Variants in CYP3A4 observed in about 807,000 individuals in gnomAD.
CYP3A4 encodes cytochrome P450 3A4.
A neutral mutation model predicts 54.9 loss-of-function variants in CYP3A4; 41 were observed. That is an observed-to-expected ratio of 0.75 (90% CI 0.58 to 0.97). The LOEUF (loss-of-function observed/expected upper bound fraction) is 0.97. Among genes scored for constraint, CYP3A4 ranks in the 50% least tolerant of loss-of-function variants. The pLI is 0.00. For synonymous variants in CYP3A4, 179 were observed against 205.2 expected (o/e 0.87, Z 1.09); for missense variants, 510 against 597.3 (o/e 0.85, Z 1.52).
At chr7:99,766,958 C>T in intron 8 of CYP3A4, 173 bp downstream of exon 8, 1 of 560,926 alleles carries the variant, frequency 1.8e-6, no homozygotes. Context: ...TCTCCTTCCC[C>T]AAACCCCACT....
chr7:99,780,035 G>T lies in CYP3A4; in HGVS notation c.122C>A (p.Pro41His). 1 of 1,613,604 alleles carries T rather than the reference G, an allele frequency of 6.2e-7. No individual in the cohort carries two copies. Among genetic ancestry groups the T allele is most frequent in the Non-Finnish European group, 8.5e-7 (1 of 1,179,702 alleles). Reference protein sequence around the residue: ...GLFKKLGIPGPTPLPFLGNIL... With the variant: ...GLFKKLGIPGHTPLPFLGNIL... ...ATTTCCCAAAAAAGGCAGAGGTGTG[G>T]GCCCTGGAATTCCAAGCTTCTTAAA... is the stretch of plus-strand genomic sequence containing the variant. The change falls in exon 2 of 13, where the codon CCC (proline) becomes CAC (histidine). Residue 41 changes from proline (P) to histidine (H), a missense_variant. By Grantham distance (77) the Pro-to-His change is moderately conservative. Around this residue, in one of 2 missense-constraint regions of CYP3A4, gnomAD observed 272 missense variants for 274.9 expected, o/e 0.99. Coordinates refer to ENST00000651514, the MANE Select transcript of CYP3A4 (RefSeq NM_017460.6).
intron 3 of CYP3A4, among the ~76,000 whole-genome samples, chr7:99,773,473 G>C (rs1426106519): frequency 6.6e-6 from 1 of 152,208 alleles, no homozygotes; most frequent in East Asian, 1.9e-4. Context: ...AAATGTAAAA[G>C]AAAAGAAATC....
chr7:99,770,280 G>C, intron 4 of CYP3A4, 45 bp from the exon 5 acceptor site: 1 of 1,507,868 alleles, frequency 6.6e-7, no homozygotes, highest in Non-Finnish European at 9.2e-7. Flanking sequence ...CAGTTGTGGA[G>C]GTCTCCATGG....
chr7:99,777,083 C>T (rs908628675), intron 3 of CYP3A4, among the ~76,000 whole-genome samples: 2 of 152,154 alleles, frequency 1.3e-5, no homozygotes, highest in Non-Finnish European at 2.9e-5. Context: ...ATCTATTTCT[C>T]TATTATCTCT....
Position 99,760,844 on chromosome 7 carries a change from G to A in CYP3A4, c.1391C>T (p.Ser464Phe), listed in dbSNP as rs768323664. Residue 464 changes from serine (S) to phenylalanine (F), a missense_variant, in exon 12 of 13, where the codon TCC becomes TTC. Around this residue, in one of 2 missense-constraint regions of CYP3A4, gnomAD observed 238 missense variants for 322.5 expected, o/e 0.74. Coordinates refer to ENST00000651514, the MANE Select transcript of CYP3A4 (RefSeq NM_017460.6). Reference protein sequence around the residue: ...LALIRVLQNFSFKPCKETQIP... With the variant: ...LALIRVLQNFFFKPCKETQIP... The stretch of plus-strand genomic sequence containing the variant: ...CTGTGTTTCTTTACAAGGTTTGAAG[G>A]AGAAGTTCTGAAGGACTCTGATTAG... 7 of 1,613,894 alleles carry A rather than the reference G, an allele frequency of 4.3e-6. No individual in the cohort carries two copies. Among genetic ancestry groups the A allele is most frequent in the East Asian group, 4.5e-5 (2 of 44,872 alleles).
At chr7:99,770,697 G>A (rs1389195498) in intron 4 of CYP3A4, among the ~76,000 whole-genome samples, 1 of 152,074 alleles carries the variant, frequency 6.6e-6, no homozygotes, top group African/African-American at 2.4e-5. Flanking sequence ...GTGCCTCAAT[G>A]TGATGGTTTT....
chr7:99,772,776 A>T, intron 3 of CYP3A4, 87 bp from the exon 4 acceptor site: 1 of 1,326,396 alleles, frequency 7.5e-7, no homozygotes, highest in Non-Finnish European at 1.1e-6. Context: ...TTTGATCCTG[A>T]CTTTACATAA....
At chr7:99,758,714 T>C (rs2151552107) in intron 12 of CYP3A4, among the ~76,000 whole-genome samples, 1 of 152,318 alleles carries the variant, frequency 6.6e-6, no homozygotes. Context: ...TGGGTAGTTA[T>C]TGTACATTTT....
intron 3 of CYP3A4, among the ~76,000 whole-genome samples, chr7:99,775,085 C>T (rs1250123631): frequency 1.3e-5 from 2 of 152,124 alleles, no homozygotes; most frequent in African/African-American, 4.8e-5. Flanking sequence ...AACTCCCATT[C>T]ACAATTACTA....
intron 12 of CYP3A4, among the ~76,000 whole-genome samples, chr7:99,759,627 G>A (rs866544410): frequency 4.1e-4 from 63 of 152,222 alleles, no homozygotes; most frequent in African/African-American, 1.3e-3. Context: ...GTTAATGGAG[G>A]GGGGAAGACA....
In CYP3A4 at chr7:99,770,218, T is replaced by A. The variant is rs1441819353; in HGVS notation, c.336A>T (p.Gly112=). The A allele has an allele frequency of 5.0e-6, 8 of 1,613,214 alleles. No homozygotes were observed. Among genetic ancestry groups the A allele is most frequent in the Non-Finnish European group, 5.9e-6 (7 of 1,179,428 alleles). The change falls in exon 5 of 13, where the codon GGA becomes GGT. Residue 112 remains glycine (G), a synonymous_variant. Transcript: ENST00000651514. Reference sequence around the variant, plus strand: ...CTATAGAGATGGCACTTTTCATAAATCCCACTGGACCAAAAGGCTAGAGTT... The same window carrying A: ...CTATAGAGATGGCACTTTTCATAAAACCCACTGGACCAAAAGGCTAGAGTT... The part of the protein sequence containing the change: ...FTNRRPFGPV[G]FMKSAISIAE...
At position 99,784,158 on chromosome 7, in the gene CYP3A4, T is replaced by C. The variant is rs931657726; in HGVS notation, c.-77A>G. ...GTTGCTCTTTGCTGGGCTATGTGCA[T>C]GGAGCTTTCCTGCCCTGCACAGCAG... is the stretch of plus-strand genomic sequence containing the variant. On this transcript the variant is annotated 5_prime_UTR_variant, in exon 1 of 13. An upstream start codon of the reference 5' UTR is lost. Coordinates refer to ENST00000651514, the MANE Select transcript of CYP3A4 (RefSeq NM_017460.6). The C allele has an allele frequency of 4.4e-6, 6 of 1,359,584 alleles. No homozygotes were observed. Among genetic ancestry groups the C allele is most frequent in the South Asian group, 3.5e-5 (3 of 85,424 alleles). 84.2% of individuals were successfully genotyped at this position (1,359,584 alleles called of 1,614,324 possible).
chr7:99,771,004 C>T (rs1486980883), intron 4 of CYP3A4, among the ~76,000 whole-genome samples: 1 of 151,982 alleles, frequency 6.6e-6, no homozygotes, highest in African/African-American at 2.4e-5. Context: ...AAAAAACAGC[C>T]CACTTCATCT....
In CYP3A4 at chr7:99,768,472, G is replaced by A. The variant is rs749172345; in HGVS notation, c.552C>T (p.Ile184=). The change falls in exon 7 of 13, where the codon ATC becomes ATT. Residue 184 remains isoleucine, a synonymous_variant. Coordinates refer to ENST00000651514, the MANE Select transcript of CYP3A4 (RefSeq NM_017460.6). ...TGTTCACTCCAAATGATGTGCTAGT[G>A]ATCACATCCATGCTGTAGGCCCCAA... is the stretch of plus-strand genomic sequence containing the variant. The part of the protein sequence containing the change: ...DVFGAYSMDV[I]TSTSFGVNID... 3.1e-5 allele frequency: 50 copies of A among 1,613,978 alleles called. No individual in the cohort carries two copies. The highest frequency in any genetic ancestry group is 3.9e-5 in the Non-Finnish European group (46 of 1,179,932).
Position 99,757,919 on chromosome 7 carries a change from C to T in CYP3A4, c.*214G>A. ...CAGAGGAGCCAAATCTACCTCCTCA[C>T]ACTGATTTGGTCACCTCCTTTATAT... On this transcript the variant is annotated 3_prime_UTR_variant, in exon 13 of 13. Coordinates refer to ENST00000651514, the MANE Select transcript of CYP3A4 (RefSeq NM_017460.6). 6 of 508,258 alleles carry T rather than the reference C, an allele frequency of 1.2e-5. No homozygotes were observed. The highest frequency in any genetic ancestry group is 2.1e-5 in the Non-Finnish European group (6 of 280,942). The allele number at this position is 508,258 out of a possible 1,614,324, so 31.5% of individuals were successfully genotyped here.
In CYP3A4 at chr7:99,772,678, C is replaced by T; in HGVS notation, c.230G>A (p.Gly77Asp). 6.2e-7 allele frequency: 1 copy of T among 1,613,176 alleles called. No homozygotes were observed. The highest frequency in any genetic ancestry group is 8.5e-7 in the Non-Finnish European group (1 of 1,179,348). ...TGTGATAGCCAGCACAGGCTGTTGA[C>T]CATCATAAAAGCTGTGTGAAAAAAA... ...KYGKVWGFYD[G>D]QQPVLAITDP... is the part of the protein sequence containing the mutation. The change falls in exon 4 of 13, where the codon GGT becomes GAT. Residue 77 changes from glycine (G) to aspartate (D), a missense_variant. Gly to Asp is a moderately conservative substitution (Grantham distance 94). Transcript: ENST00000651514.
At chr7:99,768,221 C>T (rs1208844081) in intron 7 of CYP3A4, 133 bp downstream of exon 7, 11 of 1,072,140 alleles carry the variant, frequency 1.0e-5, no homozygotes, top group Non-Finnish European at 1.3e-6. Flanking sequence ...GATGGTCACA[C>T]ATATCTTCAA....
intron 3 of CYP3A4, among the ~76,000 whole-genome samples, chr7:99,774,981 T>A (rs1413171428): frequency 6.6e-6 from 1 of 152,160 alleles, no homozygotes; most frequent in Non-Finnish European, 1.5e-5. Flanking sequence ...GATAAGCAAC[T>A]TCAGGAAAGT....
At chr7:99,760,243 C>T (rs903862778) in intron 12 of CYP3A4, among the ~76,000 whole-genome samples, 1 of 152,164 alleles carries the variant, frequency 6.6e-6, no homozygotes, top group Non-Finnish European at 1.5e-5. Flanking sequence ...TGTGGTAGTC[C>T]TTTATATCCA....
Sources: allele counts gnomAD v4.1 joint callset (sites outside exome capture counted in the v4.1 genomes callset), GRCh38; gene constraint gnomAD v4.1.1; regional missense constraint gnomAD v4.1.1; transcripts MANE v1.5; gene names NCBI Gene and HGNC (gene_info 2026-07-23, HGNC 2026-07-21).